The following KASH5 variants were observed in gnomAD, a reference collection of about 807,000 sequenced individuals.
KASH5 encodes the protein KASH domain containing 5.
In KASH5, 72 loss-of-function variants were observed where a neutral mutation model predicts 84.2. That is an observed-to-expected ratio of 0.85 (90% CI 0.71 to 1.04). KASH5 has a LOEUF of 1.04. Ranked by LOEUF, KASH5 falls within the 50% of genes least tolerant of loss-of-function variation. The pLI, the probability that KASH5 is intolerant of heterozygous loss-of-function variation, is 0.00. For synonymous variants in KASH5, 260 were observed against 279.1 expected (o/e 0.93, Z 0.68); for missense variants, 650 against 701.0 (o/e 0.93, Z 0.82).
At position 49,407,081 on chromosome 19, in the gene KASH5, C is replaced by A. The variant is rs147642514; in HGVS notation, c.876+118C>A. The A allele has an allele frequency of 4.0e-6, 5 of 1,247,952 alleles. No homozygotes were observed. The African/African-American group carries it at 7.5e-5, about 19-fold the overall frequency. 77.3% of individuals were successfully genotyped at this position (1,247,952 alleles called of 1,614,324 possible). Reference sequence around the variant, plus strand: ...GGGTCTTCCATCAAGCTGTCAGGCTCCCAGGACCACCCAGGCATCCCTAAA... The same window carrying A: ...GGGTCTTCCATCAAGCTGTCAGGCTACCAGGACCACCCAGGCATCCCTAAA... On this transcript the variant is annotated intron_variant, in intron 10 of 19. Coordinates refer to ENST00000447857, the MANE Select transcript of KASH5 (RefSeq NM_144688.5).
intron 11 of KASH5, 135 bp downstream of exon 11, chr19:49,407,431 G>T: frequency 8.7e-7 from 1 of 1,143,116 alleles, no homozygotes; most frequent in Non-Finnish European, 1.3e-6. Flanking sequence ...GGTTTCCCCA[G>T]GTCCCAAGTG....
intron 11 of KASH5, 37 bp downstream of exon 11, chr19:49,407,333 A>G (rs760393501): frequency 1.9e-6 from 3 of 1,599,440 alleles, no homozygotes; most frequent in East Asian, 2.2e-5. Flanking sequence ...TTCGCTTTCC[A>G]TGTGCACCAG....
chr19:49,395,085 T>TC lies in KASH5; in HGVS notation c.149-20dup. The TC allele has an allele frequency of 6.3e-7, 1 of 1,584,210 alleles. No homozygotes were observed. Among genetic ancestry groups the TC allele is most frequent in the Non-Finnish European group, 8.6e-7 (1 of 1,169,514 alleles). The stretch of plus-strand genomic sequence containing the variant: ...CACTCCCCACCTGCCCCAGACCCCC[T>TC]CACTGCATGCTCTGTCACAGGCACT... On this transcript the variant is annotated intron_variant, in intron 3 of 19. Transcript: ENST00000447857. The surrounding 1 kb of genome is among the most constrained non-coding windows in gnomAD (Gnocchi z 4.4).
chr19:49,393,330 C>T (rs1052555795), intron 2 of KASH5: 4 of 152,288 alleles, frequency 2.6e-5, no homozygotes, highest in African/African-American at 7.2e-5. Context: ...TAGATTGTAT[C>T]TCATTTTCTC....
intron 15 of KASH5, 112 bp downstream of exon 15, chr19:49,409,987 G>A: frequency 1.4e-6 from 2 of 1,403,374 alleles, no homozygotes; most frequent in Non-Finnish European, 9.7e-7. Flanking sequence ...CATTTGATGA[G>A]AAAATGTTAA....
At chr19:49,405,236 T>C (rs1267017415) in intron 9 of KASH5, among the ~76,000 whole-genome samples, 1 of 151,754 alleles carries the variant, frequency 6.6e-6, no homozygotes, top group Non-Finnish European at 1.5e-5. Flanking sequence ...AAGGGTGGAT[T>C]ACCTGAGGTC....
At position 49,388,307 on chromosome 19, in the gene KASH5, G is replaced by A. The variant is rs1168095820; in HGVS notation, c.-116G>A. 6.6e-6 allele frequency: 1 copy of A among 152,278 alleles called. No homozygotes were observed. The highest frequency in any genetic ancestry group is 1.5e-5 in the Non-Finnish European group (1 of 68,094). 9.4% of individuals were successfully genotyped at this position (152,278 alleles called of 1,614,324 possible). A position where few individuals can be genotyped will look rare whatever the true frequency, so the allele number is the denominator to read the frequency against. ...CGTTCGTGGATGTCCGTTGTGTCCCGAGACTAGGACGTGGCTCCAGGTGCG... is the reference window on the plus strand; with the variant it reads ...CGTTCGTGGATGTCCGTTGTGTCCCAAGACTAGGACGTGGCTCCAGGTGCG... On this transcript the variant is annotated 5_prime_UTR_variant, in exon 1 of 20. Coordinates refer to ENST00000447857, the MANE Select transcript of KASH5 (RefSeq NM_144688.5).
chr19:49,400,103 C>T (rs1411099211), intron 9 of KASH5, among the ~76,000 whole-genome samples: 2 of 151,832 alleles, frequency 1.3e-5, no homozygotes, highest in South Asian at 2.1e-4. Flanking sequence ...GTAGTGTGCA[C>T]CTGTAGTCCA....
Position 49,417,242 on chromosome 19 carries a change from T to C in KASH5, c.1523T>C (p.Leu508Pro). The change falls in exon 19 of 20, where the codon CTC becomes CCC. Residue 508 changes from leucine to proline, a missense_variant. Physicochemically the swap from Leu to Pro is moderately conservative, Grantham distance 98 (BLOSUM62 -3). Transcript: ENST00000447857. This position sits in a 1 kb window ranked among gnomAD's most constrained non-coding sequence, Gnocchi z 5.2. Reference protein sequence around the residue: ...VPVRRRAWGQLCLPPQRLRVT... With the variant: ...VPVRRRAWGQPCLPPQRLRVT... ...GTCAGGAGGAGGGCCTGGGGCCAGCTCTGCCTGCCCCCACAGCGGCTCAGG... is the reference window on the plus strand; with the variant it reads ...GTCAGGAGGAGGGCCTGGGGCCAGCCCTGCCTGCCCCCACAGCGGCTCAGG... 1 of 1,613,552 alleles carries C rather than the reference T, an allele frequency of 6.2e-7. No homozygotes were observed.
At chr19:49,411,349 A>G (rs1021158452) in intron 15 of KASH5, among the ~76,000 whole-genome samples, 9 of 152,148 alleles carry the variant, frequency 5.9e-5, no homozygotes, top group African/African-American at 2.2e-4. Context: ...ATCCTTAAGG[A>G]GAGACTCATT....
At position 49,395,881 on chromosome 19, in the gene KASH5, A is replaced by G. The variant is rs1288260733; in HGVS notation, c.400+48A>G. 3 of 1,493,784 alleles carry G rather than the reference A, an allele frequency of 2.0e-6. No homozygotes were observed. The highest frequency in any genetic ancestry group is 2.4e-5 in the South Asian group (2 of 82,800). The allele number at this position is 1,493,784 out of a possible 1,614,324, so 92.5% of individuals were successfully genotyped here. ...GAAGCAGGCAGGCCCTGGGTCAGAC[A>G]GTGTGGGGACTTACCACCCAGGGCA... On this transcript the variant is annotated intron_variant, in intron 5 of 19. Transcript: ENST00000447857. The surrounding 1 kb of genome is among the most constrained non-coding windows in gnomAD (Gnocchi z 4.4).
chr19:49,404,579 G>A (rs776539226), intron 9 of KASH5, among the ~76,000 whole-genome samples: 3 of 152,076 alleles, frequency 2.0e-5, no homozygotes, highest in Non-Finnish European at 2.9e-5. Flanking sequence ...TGCATCCATC[G>A]CCACCTCTAG....
chr19:49,405,578 T>A (rs1205009235), intron 9 of KASH5, among the ~76,000 whole-genome samples: 1 of 152,072 alleles, frequency 6.6e-6, no homozygotes, highest in East Asian at 1.9e-4. Flanking sequence ...AGGAAATAAG[T>A]CCTCAAGTAG....
intron 5 of KASH5, among the ~76,000 whole-genome samples, chr19:49,396,864 G>C (rs1024878811): frequency 2.6e-5 from 4 of 152,120 alleles, no homozygotes; most frequent in Non-Finnish European, 4.4e-5. Context: ...TTTGAGACCA[G>C]CCTGGGCAAC....
intron 7 of KASH5, 25 bp from the exon 8 acceptor site, chr19:49,399,000 C>T (rs374182263): frequency 2.6e-5 from 39 of 1,526,036 alleles, no homozygotes; most frequent in Non-Finnish European, 3.2e-5. Flanking sequence ...TCTCGTATGG[C>T]TCATCTGCCC....
Position 49,395,425 on chromosome 19 carries a change from G to A in KASH5, c.335+133G>A. 1 of 963,824 alleles carries A rather than the reference G, an allele frequency of 1.0e-6. No homozygotes were observed. Among genetic ancestry groups the A allele is most frequent in the Non-Finnish European group, 1.6e-6 (1 of 641,992 alleles). The allele number at this position is 963,824 out of a possible 1,614,324, so 59.7% of individuals were successfully genotyped here. ...GGAATGAGGCTGTGGAGAGAAAAATGAAGAGACGGGATTCAGAGGGGGTAG... is the reference window on the plus strand; with the variant it reads ...GGAATGAGGCTGTGGAGAGAAAAATAAAGAGACGGGATTCAGAGGGGGTAG... On this transcript the variant is annotated intron_variant, in intron 4 of 19. Transcript: ENST00000447857. This position sits in a 1 kb window ranked among gnomAD's most constrained non-coding sequence, Gnocchi z 4.4.
chr19:49,402,243 A>AC (rs1274276317), intron 9 of KASH5, among the ~76,000 whole-genome samples: 1 of 150,188 alleles, frequency 6.7e-6, no homozygotes, highest in African/African-American at 2.4e-5. Context: ...CTCAGTCTCA[A>AC]AAAAAAAAGG....
intron 15 of KASH5, among the ~76,000 whole-genome samples, chr19:49,410,591 C>G (rs560449904): frequency 2.0e-4 from 30 of 151,586 alleles, no homozygotes; most frequent in African/African-American, 6.8e-4. Flanking sequence ...TCAAGCAGTT[C>G]TCCCTGCCTC....
At chr19:49,405,372 G>C (rs1354215912) in intron 9 of KASH5, among the ~76,000 whole-genome samples, 1 of 150,484 alleles carries the variant, frequency 6.6e-6, no homozygotes, top group African/African-American at 2.5e-5. Flanking sequence ...CAGGAGAATC[G>C]CTTGAACCTG....
Sources: gnomAD v4.1 joint callset for allele counts (sites outside exome capture counted in the v4.1 genomes callset) on GRCh38, gnomAD v4.1.1 for gene constraint, Gnocchi (gnomAD v3.1) non-coding constraint, MANE v1.5 for transcripts, NCBI Gene and HGNC (gene_info 2026-07-23, HGNC 2026-07-21) for gene names.